The following C5 variants were observed in gnomAD, a reference collection of about 807,000 sequenced individuals.
C5 encodes complement C5.
A neutral mutation model predicts 218.8 loss-of-function variants in C5; 140 were observed. The observed-to-expected ratio is 0.64, with a 90% confidence interval of 0.56 to 0.74. C5 has a LOEUF of 0.74. Ranked by LOEUF, C5 falls within the 30% of genes least tolerant of loss-of-function variation. The pLI, the probability that C5 is intolerant of heterozygous loss-of-function variation, is 0.00. For synonymous variants in C5, 614 were observed against 682.3 expected (o/e 0.90, Z 1.56); for missense variants, 1,700 against 1,969.6 (o/e 0.86, Z 2.59).
intron 3 of C5, among the ~76,000 whole-genome samples, chr9:121,040,970 A>G (rs530875660): frequency 1.9e-5 from 2 of 103,722 alleles, no homozygotes; most frequent in South Asian, 3.3e-4. Context: ...TTTTTTTTTG[A>G]GACAGTCTTG....
intron 9 of C5, among the ~76,000 whole-genome samples, chr9:121,023,821 A>C (rs2131779562): frequency 6.6e-6 from 1 of 152,114 alleles, no homozygotes; most frequent in Non-Finnish European, 1.5e-5. Context: ...ACCACTTTTC[A>C]TCAGTGGCCT....
intron 30 of C5, among the ~76,000 whole-genome samples, chr9:120,973,751 G>A (rs1231557369): frequency 6.6e-6 from 1 of 152,110 alleles, no homozygotes; most frequent in African/African-American, 2.4e-5. Context: ...GGCCAAGGTG[G>A]GTGGATCACC....
chr9:121,040,655 C>A (rs773406889), intron 3 of C5, among the ~76,000 whole-genome samples: 1 of 152,140 alleles, frequency 6.6e-6, no homozygotes, highest in Non-Finnish European at 1.5e-5. Context: ...ATCTTAAGTG[C>A]TTTACACATA....
chr9:121,001,518 G>A (rs779856107), intron 20 of C5, among the ~76,000 whole-genome samples: 25 of 152,152 alleles, frequency 1.6e-4, no homozygotes, highest in Middle Eastern at 6.8e-3. Flanking sequence ...AATATATAGC[G>A]CGGTCTTTCA....
At chr9:121,024,843 C>T (rs2047405954) in intron 9 of C5, among the ~76,000 whole-genome samples, 1 of 152,188 alleles carries the variant, frequency 6.6e-6, no homozygotes, top group South Asian at 2.1e-4. Context: ...CACTTTAGTG[C>T]TGGCATCATA....
intron 36 of C5, 144 bp downstream of exon 36, chr9:120,962,527 T>A (rs930028467): frequency 1.2e-5 from 9 of 740,584 alleles, no homozygotes; most frequent in South Asian, 2.9e-5. Flanking sequence ...GCAGTAGTTT[T>A]GAATGTTCAA....
chr9:120,995,977 C>A (rs910190271), intron 22 of C5, among the ~76,000 whole-genome samples: 2 of 151,996 alleles, frequency 1.3e-5, no homozygotes, highest in Non-Finnish European at 2.9e-5. Context: ...CACCACCATG[C>A]CCAGCTAATT....
Position 120,962,776 on chromosome 9 carries a change from T to C in C5, c.4399A>G (p.Ile1467Val). Residue 1467 changes from isoleucine (I) to valine (V), a missense_variant and splice_region_variant, in exon 36 of 41, where the codon ATT (isoleucine) becomes GTT (valine). Ile to Val is a conservative substitution (Grantham distance 29). Coordinates refer to ENST00000223642, the MANE Select transcript of C5 (RefSeq NM_001735.3). ...ACACAAAGGAAATCACTGGAGGGAATCTGTTTAACAAATTCAAGGATTTAA... is the reference window on the plus strand; with the variant it reads ...ACACAAAGGAAATCACTGGAGGGAACCTGTTTAACAAATTCAAGGATTTAA... Reference protein sequence around the residue: ...DGHVILQLNSIPSSDFLCVRF... With the variant: ...DGHVILQLNSVPSSDFLCVRF... 1.9e-6 allele frequency: 3 copies of C among 1,612,920 alleles called. No homozygotes were observed. In the South Asian group the frequency reaches 3.3e-5, roughly 18 times the overall value.
At chr9:121,064,201 G>A in the C5 span, among the ~76,000 whole-genome samples, 1 of 151,270 alleles carries the variant, frequency 6.6e-6, no homozygotes, top group Non-Finnish European at 1.5e-5. Flanking sequence ...ATATAATTGA[G>A]TATGATTTTA....
Position 121,006,139 on chromosome 9 carries a change from T to C in C5, c.2423-81A>G, listed in dbSNP as rs1397908235. The C allele has an allele frequency of 8.4e-6, 12 of 1,423,794 alleles. No homozygotes were observed. The East Asian group carries it at 2.8e-4, about 33-fold the overall frequency. The allele number at this position is 1,423,794 out of a possible 1,614,324, so 88.2% of individuals were successfully genotyped here. ...TTATTGGTATTAAAATTTCTCACAT[T>C]TGCTTTACTTCAAGGAAAAAATAAT... is the stretch of plus-strand genomic sequence containing the variant. On this transcript the variant is annotated intron_variant, in intron 19 of 40. Transcript: ENST00000223642.
chr9:120,972,634 C>T (rs568535211), intron 30 of C5, among the ~76,000 whole-genome samples: 6 of 152,296 alleles, frequency 3.9e-5, no homozygotes, highest in Non-Finnish European at 8.8e-5. Flanking sequence ...AAGACATAAA[C>T]GGAGTTAAGT....
the C5 span, among the ~76,000 whole-genome samples, chr9:121,056,085 G>T: frequency 6.6e-6 from 1 of 152,212 alleles, no homozygotes; most frequent in Non-Finnish European, 1.5e-5. Flanking sequence ...ACAGGCTTAG[G>T]CCACAAAACT....
At position 121,035,044 on chromosome 9, in the gene C5, T is replaced by C. The variant is rs982015955; in HGVS notation, c.493-150A>G. 8.5e-6 allele frequency: 5 copies of C among 589,174 alleles called. No individual in the cohort carries two copies. The African/African-American group carries it at 9.3e-5, about 11-fold the overall frequency. The allele number at this position is 589,174 out of a possible 1,614,324, so 36.5% of individuals were successfully genotyped here. On this transcript the variant is annotated intron_variant, in intron 4 of 40. Coordinates refer to ENST00000223642, the MANE Select transcript of C5 (RefSeq NM_001735.3). ...TCAAATTAAATATGAAGGATGAAGA[T>C]CTGTTAAATGTTATAGAAGGGAAAT...
chr9:120,985,783 C>A (rs1460265569), intron 25 of C5, among the ~76,000 whole-genome samples: 1 of 152,110 alleles, frequency 6.6e-6, no homozygotes, highest in Non-Finnish European at 1.5e-5. Context: ...ATTTTGGAAG[C>A]AAATAACCAT....
the C5 span, among the ~76,000 whole-genome samples, chr9:121,064,782 T>C: frequency 1.2e-3 from 189 of 152,300 alleles, 1 homozygote; most frequent in Non-Finnish European, 2.4e-3. Flanking sequence ...TAAAATAGTC[T>C]GGGCACAGCA....
intron 27 of C5, among the ~76,000 whole-genome samples, chr9:120,980,757 A>G (rs76561428): frequency 6.6e-6 from 1 of 151,142 alleles, no homozygotes; most frequent in African/African-American, 2.4e-5. Flanking sequence ...ACGCCCGGCT[A>G]ATTTTTTTTT....
upstream of C5, among the ~76,000 whole-genome samples, chr9:121,052,718 C>T (rs918830733): frequency 2.6e-5 from 4 of 152,032 alleles, no homozygotes; most frequent in Non-Finnish European, 4.4e-5. Flanking sequence ...TTCTTCACTC[C>T]GGCCAAGGAG....
At chr9:121,043,700 C>CTTTTTTT (rs34794535) in intron 2 of C5, among the ~76,000 whole-genome samples, 26 of 120,654 alleles carry the variant, frequency 2.2e-4, no homozygotes, top group South Asian at 2.8e-4. Flanking sequence ...GTCCAGCTAA[C>CTTTTTTT]TTTTTTTTTT....
intron 3 of C5, among the ~76,000 whole-genome samples, chr9:121,041,777 A>G (rs1564164516): frequency 6.6e-6 from 1 of 152,192 alleles, no homozygotes; most frequent in Non-Finnish European, 1.5e-5. Flanking sequence ...AGGTATGATT[A>G]TGTCTAAAAG....
Sources: allele counts gnomAD v4.1 joint callset (sites outside exome capture counted in the v4.1 genomes callset), GRCh38; gene constraint gnomAD v4.1.1; transcripts MANE v1.5; gene names NCBI Gene and HGNC (gene_info 2026-07-23, HGNC 2026-07-21).